TULP3: variants seen among roughly 807,000 people sequenced by gnomAD.
TULP3 encodes TUB like protein 3.
TULP3 carries 38 observed loss-of-function variants against 50.7 expected under a neutral mutation model. The ratio of observed to expected loss-of-function variants is 0.75; its 90% CI spans 0.58 to 0.98. TULP3 has a LOEUF of 0.98. TULP3 is among the 50% of genes least tolerant of loss of function. TULP3 has a pLI of 0.00. For missense variants in TULP3, 550 were observed against 568.0 expected, an observed-to-expected ratio of 0.97 and a Z score of 0.32; for synonymous variants, 183 against 196.6, an observed-to-expected ratio of 0.93 and a Z score of 0.58.
At chr12:2,907,719 T>C (rs577416914) in intron 1 of TULP3, among the ~76,000 whole-genome samples, 58 of 115,986 alleles carry the variant, frequency 5.0e-4, no homozygotes, top group African/African-American at 2.1e-3. Flanking sequence ...AGTTTTGTTT[T>C]TGTTTTATCT....
At chr12:2,906,587 C>G (rs896919674) in intron 1 of TULP3, among the ~76,000 whole-genome samples, 3 of 151,602 alleles carry the variant, frequency 2.0e-5, no homozygotes, top group Non-Finnish European at 4.4e-5. Context: ...CCTTGGCCTC[C>G]CAAAGTTCTG....
intron 2 of TULP3, among the ~76,000 whole-genome samples, chr12:2,920,268 G>A (rs546957688): frequency 6.6e-6 from 1 of 152,150 alleles, no homozygotes; most frequent in Admixed American, 6.6e-5. Context: ...CCAACACTTT[G>A]GGAGGCCAAG....
intron 1 of TULP3, among the ~76,000 whole-genome samples, chr12:2,906,744 C>T (rs1041121213): frequency 6.0e-5 from 9 of 150,172 alleles, no homozygotes; most frequent in Non-Finnish European, 1.0e-4. Context: ...GATGAAACCC[C>T]GTCTCTACTA....
At position 2,940,686 on chromosome 12, in the gene TULP3, C is replaced by T. The variant is rs1467968162; in HGVS notation, c.*1242C>T. On this transcript the variant is annotated 3_prime_UTR_variant, in exon 11 of 11. Coordinates refer to ENST00000448120, the MANE Select transcript of TULP3 (RefSeq NM_003324.5). The stretch of plus-strand genomic sequence containing the variant: ...TCCCTTCTGTGGACTGACCTCTCAC[C>T]TCCGCCTGTTGTTCCTGCACCACAT... 57 of 1,551,562 alleles carry T rather than the reference C, an allele frequency of 3.7e-5. No individual in the cohort carries two copies. Among genetic ancestry groups the T allele is most frequent in the Middle Eastern group, 1.7e-4 (1 of 6,014 alleles).
At chr12:2,928,451 A>G (rs1468012846) in intron 4 of TULP3, among the ~76,000 whole-genome samples, 1 of 151,976 alleles carries the variant, frequency 6.6e-6, no homozygotes, top group African/African-American at 2.4e-5. Flanking sequence ...AATCGCTTGA[A>G]CCTAGGAGGC....
intron 4 of TULP3, among the ~76,000 whole-genome samples, chr12:2,924,023 G>A (rs2153949769): frequency 6.6e-6 from 1 of 152,250 alleles, no homozygotes; most frequent in Middle Eastern, 3.4e-3. Context: ...ATATGTTTGA[G>A]TACATACCAT....
In TULP3 at chr12:2,939,946, T is replaced by C; in HGVS notation, c.*502T>C. The C allele has an allele frequency of 7.9e-7, 1 of 1,273,152 alleles. No homozygotes were observed. The highest frequency in any genetic ancestry group is 5.7e-5 in the East Asian group (1 of 17,532). The allele number at this position is 1,273,152 out of a possible 1,614,324, so 78.9% of individuals were successfully genotyped here. A position where few individuals can be genotyped will look rare whatever the true frequency, so the allele number is the denominator to read the frequency against. On this transcript the variant is annotated 3_prime_UTR_variant, in exon 11 of 11. Coordinates refer to ENST00000448120, the MANE Select transcript of TULP3 (RefSeq NM_003324.5). The surrounding 1 kb of genome is among the most constrained non-coding windows in gnomAD (Gnocchi z 4.0). ...TGGGGTCTCCAAAGCTAGAATGGGA[T>C]TTCATGTGCTTGGAAACTTGCAGTA...
At chr12:2,902,501 C>T (rs562221912) in intron 1 of TULP3, among the ~76,000 whole-genome samples, 1 of 152,306 alleles carries the variant, frequency 6.6e-6, no homozygotes, top group East Asian at 1.9e-4. Context: ...GCATCCTTAT[C>T]TGGCACAGTG....
intron 1 of TULP3, among the ~76,000 whole-genome samples, chr12:2,892,103 T>G (rs2098172476): frequency 6.6e-6 from 1 of 151,612 alleles, no homozygotes; most frequent in South Asian, 2.1e-4. Flanking sequence ...TGATTTGACG[T>G]GTAAGTATTT....
chr12:2,920,799 C>T lies in TULP3; in HGVS notation c.130C>T (p.Leu44Phe). The change falls in exon 3 of 11, where the codon CTT (leucine) becomes TTT (phenylalanine). Residue 44 changes from leucine to phenylalanine, a missense_variant. Transcript: ENST00000448120. ...LLEKRQRKKR[L>F]EPFMVQPNPE... ...TGAGAAGAGGCAAAGGAAAAAGCGCCTTGAGCCATTTATGGTGCAGCCCAA... is the reference window on the plus strand; with the variant it reads ...TGAGAAGAGGCAAAGGAAAAAGCGCTTTGAGCCATTTATGGTGCAGCCCAA... 1.2e-6 allele frequency: 2 copies of T among 1,614,140 alleles called. No individual in the cohort carries two copies. Among genetic ancestry groups the T allele is most frequent in the Non-Finnish European group, 8.5e-7 (1 of 1,180,030 alleles).
intron 1 of TULP3, among the ~76,000 whole-genome samples, chr12:2,905,464 A>G (rs2003551): frequency 0.48 from 72,635 of 151,974 alleles, 17,832 homozygotes; most frequent in African/African-American, 0.6. Context: ...GATTACAGGC[A>G]TGAGCCACCG....
intron 3 of TULP3, among the ~76,000 whole-genome samples, chr12:2,921,238 C>G (rs932160674): frequency 2.0e-5 from 3 of 152,150 alleles, no homozygotes; most frequent in African/African-American, 4.8e-5. Context: ...CTCCCAGGTT[C>G]AAGTGATTCT....
At chr12:2,927,025 C>A (rs182062601) in intron 4 of TULP3, among the ~76,000 whole-genome samples, 2 of 152,226 alleles carry the variant, frequency 1.3e-5, no homozygotes, top group African/African-American at 4.8e-5. Context: ...ACAGTCATTT[C>A]CCATTTCCCT....
chr12:2,894,025 A>G (rs1205517696), intron 1 of TULP3, among the ~76,000 whole-genome samples: 2 of 152,072 alleles, frequency 1.3e-5, no homozygotes, highest in Non-Finnish European at 2.9e-5. Context: ...GAGGCTAGGC[A>G]TTTTATAATA....
At chr12:2,910,943 T>C (rs1197723039) in intron 2 of TULP3, among the ~76,000 whole-genome samples, 1 of 152,184 alleles carries the variant, frequency 6.6e-6, no homozygotes, top group Non-Finnish European at 1.5e-5. Context: ...CTTTGATTTA[T>C]TTTTATTCAT....
At chr12:2,938,090 A>C in intron 9 of TULP3, 24 bp from the exon 10 acceptor site, 1 of 1,613,656 alleles carries the variant, frequency 6.2e-7, no homozygotes, top group South Asian at 1.1e-5. Context: ...CTCAGTACAA[A>C]GTAATGATTT....
In TULP3 at chr12:2,940,438, G is replaced by A; in HGVS notation, c.*994G>A. 6.8e-7 allele frequency: 1 copy of A among 1,476,652 alleles called. No homozygotes were observed. Among genetic ancestry groups the A allele is most frequent in the South Asian group, 1.4e-5 (1 of 70,924 alleles). The allele number at this position is 1,476,652 out of a possible 1,614,324, so 91.5% of individuals were successfully genotyped here. On this transcript the variant is annotated 3_prime_UTR_variant, in exon 11 of 11. Coordinates refer to ENST00000448120, the MANE Select transcript of TULP3 (RefSeq NM_003324.5). ...CTTTCTTCTCGGCTCCCTCAACCCT[G>A]GCTCAGGCACAGAAGGTGTTTTGCT...
chr12:2,906,822 A>C (rs985006572), intron 1 of TULP3, among the ~76,000 whole-genome samples: 2 of 151,328 alleles, frequency 1.3e-5, no homozygotes, highest in African/African-American at 4.8e-5. Context: ...AGGCTGAGGC[A>C]GGAGAATCGC....
intron 6 of TULP3, among the ~76,000 whole-genome samples, chr12:2,931,651 T>C (rs1024289078): frequency 6.6e-6 from 1 of 152,210 alleles, no homozygotes; most frequent in Non-Finnish European, 1.5e-5. Context: ...ACAAGTTAAA[T>C]GTCTTGTTTC....
Sources: allele counts gnomAD v4.1 joint callset (sites outside exome capture counted in the v4.1 genomes callset), GRCh38; gene constraint gnomAD v4.1.1; non-coding constraint Gnocchi (gnomAD v3.1); transcripts MANE v1.5; gene names NCBI Gene and HGNC (gene_info 2026-07-23, HGNC 2026-07-21).